Variants in TMEM132D observed in about 807,000 individuals in gnomAD.
The protein encoded by TMEM132D is mature OL transmembrane protein.
A neutral mutation model predicts 62.3 loss-of-function variants in TMEM132D; 21 were observed. The observed-to-expected ratio is 0.34, with a 90% confidence interval of 0.24 to 0.49. The LOEUF is 0.49. TMEM132D is among the 20% of genes least tolerant of loss of function. The pLI is 0.99. For synonymous variants in TMEM132D, 621 were observed against 575.6 expected (o/e 1.08, Z -1.13); for missense variants, 1,346 against 1,402.8 (o/e 0.96, Z 0.65).
At chr12:129,394,494 G>A (rs1871368295) in intron 3 of TMEM132D, among the ~76,000 whole-genome samples, 1 of 152,206 alleles carries the variant, frequency 6.6e-6, no homozygotes, top group Non-Finnish European at 1.5e-5. Context: ...CTCCGGGCCT[G>A]CGTGAGTTCT....
chr12:129,669,984 C>T (rs1046686377), intron 2 of TMEM132D, among the ~76,000 whole-genome samples: 2 of 152,170 alleles, frequency 1.3e-5, no homozygotes, highest in African/African-American at 4.8e-5. Flanking sequence ...CCCATTCCCA[C>T]TATGTCCCCT....
At chr12:129,367,636 G>A (rs1870459566) in intron 3 of TMEM132D, among the ~76,000 whole-genome samples, 1 of 152,140 alleles carries the variant, frequency 6.6e-6, no homozygotes, top group Admixed American at 6.5e-5. Flanking sequence ...AAGAGGATGA[G>A]TGGTAGCCAG....
At chr12:129,333,159 G>A (rs1021769185) in intron 4 of TMEM132D, among the ~76,000 whole-genome samples, 3 of 152,194 alleles carry the variant, frequency 2.0e-5, no homozygotes, top group African/African-American at 7.2e-5. Flanking sequence ...AAACAACATT[G>A]AGATATAAGT....
chr12:129,812,189 T>C (rs962737590), intron 1 of TMEM132D, among the ~76,000 whole-genome samples: 3 of 151,718 alleles, frequency 2.0e-5, no homozygotes, highest in Non-Finnish European at 2.9e-5. Flanking sequence ...TAACGTGTCA[T>C]CACCATCAGC....
At chr12:129,250,228 C>T (rs1880229392) in intron 4 of TMEM132D, among the ~76,000 whole-genome samples, 1 of 152,158 alleles carries the variant, frequency 6.6e-6, no homozygotes, top group Admixed American at 6.5e-5. Context: ...CGAGCCCAAC[C>T]AGAAGCCAAC....
chr12:129,298,856 G>T (rs1007630883), intron 4 of TMEM132D, among the ~76,000 whole-genome samples: 2 of 152,098 alleles, frequency 1.3e-5, no homozygotes, highest in Non-Finnish European at 2.9e-5. Context: ...AGATGGCCCC[G>T]TCAAAGGCTC....
chr12:129,451,354 C>A (rs1057314629), intron 3 of TMEM132D, among the ~76,000 whole-genome samples: 7 of 152,178 alleles, frequency 4.6e-5, no homozygotes, highest in Non-Finnish European at 8.8e-5. Flanking sequence ...TAGATCTGTG[C>A]AACTGCATAG....
chr12:129,308,471 C>T (rs1376275821), intron 4 of TMEM132D, among the ~76,000 whole-genome samples: 1 of 152,120 alleles, frequency 6.6e-6, no homozygotes, highest in Non-Finnish European at 1.5e-5. Context: ...AAGGGCAATT[C>T]ATTAATTAAT....
At chr12:129,494,985 G>A (rs1451462911) in intron 3 of TMEM132D, among the ~76,000 whole-genome samples, 1 of 152,186 alleles carries the variant, frequency 6.6e-6, no homozygotes, top group South Asian at 2.1e-4. Context: ...CAGTGAGCAG[G>A]CACATACGCT....
chr12:129,791,813 G>C lies in TMEM132D; in HGVS notation c.80-91115C>G, dbSNP rs1871407293. ...AATGTTGGCTGCAAAAAATCAATTT[G>C]AAAAGCAAATAGTCAAACAGCCGTC... is the stretch of plus-strand genomic sequence containing the variant. On this transcript the variant is annotated intron_variant, in intron 1 of 8. Transcript: ENST00000422113. Among the ~76,000 whole-genome samples, 3 of 152,078 alleles carry C rather than the reference G, an allele frequency of 2.0e-5. No individual in the cohort carries two copies. The South Asian group carries it at 6.2e-4, about 32-fold the overall frequency.
Position 129,625,308 on chromosome 12 carries a change from G to C in TMEM132D, c.968+74502C>G, listed in dbSNP as rs75867923. ...GCACAGGTACCCAACATTTTTGTAA[G>C]TTTCAAGAAAAAGACACAAAACCTA... On this transcript the variant is annotated intron_variant, in intron 2 of 8. Coordinates refer to ENST00000422113, the MANE Select transcript of TMEM132D (RefSeq NM_133448.3). Among the ~76,000 whole-genome samples, 17 of 152,252 alleles carry C rather than the reference G, an allele frequency of 1.1e-4. No homozygotes were observed. The East Asian group carries it at 1.9e-3, about 17-fold the overall frequency.
At chr12:129,500,701 G>GAGAA (rs1187152138) in intron 3 of TMEM132D, among the ~76,000 whole-genome samples, 1 of 152,188 alleles carries the variant, frequency 6.6e-6, no homozygotes, top group Non-Finnish European at 1.5e-5. Flanking sequence ...AATGGAAAAA[G>GAGAA]AGAAAGAAAG....
At chr12:129,723,919 C>T (rs746182159) in intron 1 of TMEM132D, among the ~76,000 whole-genome samples, 2 of 152,172 alleles carry the variant, frequency 1.3e-5, no homozygotes, top group Non-Finnish European at 2.9e-5. Context: ...CCAAGATGTC[C>T]ATATTCTAAT....
In TMEM132D at chr12:129,209,472, G is replaced by C. The variant is rs368842876; in HGVS notation, c.1443+48C>G. The C allele has an allele frequency of 1.1e-5, 18 of 1,607,192 alleles. No individual in the cohort carries two copies. In the African/African-American group the frequency reaches 2.1e-4, roughly 19 times the overall value. Reference sequence around the variant, plus strand: ...CCCAAGCTGGTCCAGGAGCACAGAAGCTGACATGACAGCAGGTTTCTGCAG... The same window carrying C: ...CCCAAGCTGGTCCAGGAGCACAGAACCTGACATGACAGCAGGTTTCTGCAG... On this transcript the variant is annotated intron_variant, in intron 5 of 8. Transcript: ENST00000422113.
intron 3 of TMEM132D, among the ~76,000 whole-genome samples, chr12:129,444,692 A>G (rs908901742): frequency 3.3e-5 from 5 of 152,252 alleles, no homozygotes; most frequent in Middle Eastern, 3.4e-3. Context: ...ACACTTTTCC[A>G]AAGAAGACAT....
chr12:129,410,979 TGAA>T (rs1480382730), intron 3 of TMEM132D, among the ~76,000 whole-genome samples: 3 of 115,394 alleles, frequency 2.6e-5, no homozygotes, highest in East Asian at 6.7e-4. Flanking sequence ...AAGTTTATGA[TGAA>T]GAACTTCATT....
chr12:129,467,313 T>A (rs531104841), intron 3 of TMEM132D, among the ~76,000 whole-genome samples: 5 of 152,060 alleles, frequency 3.3e-5, no homozygotes, highest in Non-Finnish European at 5.9e-5. Flanking sequence ...CTTTTCTCTA[T>A]CTCAATTTCC....
At position 129,271,836 on chromosome 12, in the gene TMEM132D, G is replaced by A. The variant is rs149140423; in HGVS notation, c.1300-62173C>T. 3.2e-3 allele frequency among the ~76,000 whole-genome samples: 483 copies of A among 151,954 alleles called. 17 individuals are homozygous for A. Among genetic ancestry groups the A allele is most frequent in the African/African-American group, 0.011 (449 of 41,246 alleles). On this transcript the variant is annotated intron_variant, in intron 4 of 8. Coordinates refer to ENST00000422113, the MANE Select transcript of TMEM132D (RefSeq NM_133448.3). ...TGATGGGCATTTAGGTTGCTTTCAA[G>A]TCTTTGCTATTGTGAACAGTGCTGC...
chr12:129,690,278 A>G (rs1326797320), intron 2 of TMEM132D, among the ~76,000 whole-genome samples: 3 of 152,178 alleles, frequency 2.0e-5, no homozygotes, highest in African/African-American at 7.2e-5. Context: ...AGGCAGAAAA[A>G]GGGGCAGATA....
Sources: gnomAD v4.1 joint callset for allele counts (sites outside exome capture counted in the v4.1 genomes callset) on GRCh38, gnomAD v4.1.1 for gene constraint, MANE v1.5 for transcripts, NCBI Gene and HGNC (gene_info 2026-07-23, HGNC 2026-07-21) for gene names.